PHACTR2: variants seen among roughly 807,000 people sequenced by gnomAD.
The protein encoded by PHACTR2 is phosphatase and actin regulator 2, also known as chromosome 6 open reading frame 56.
Under a neutral mutation model 76.0 loss-of-function variants are expected in PHACTR2, and 30 were observed. The observed-to-expected ratio is 0.39, with a 90% CI of 0.30 to 0.54. PHACTR2 has a LOEUF of 0.54. PHACTR2 is among the 20% of genes least tolerant of loss of function. The probability of loss-of-function intolerance (pLI) is 0.61; values close to 1 mark genes in which losing one functional copy is unlikely to be tolerated. For synonymous variants in PHACTR2, 292 were observed against 292.5 expected (o/e 1.00, Z 0.02); for missense variants, 696 against 781.1 (o/e 0.89, Z 1.30).
Position 143,654,868 on chromosome 6 carries a change from A to T in PHACTR2, c.13+46546A>T, listed in dbSNP as rs2128446967. 6.6e-6 allele frequency among the ~76,000 whole-genome samples: 1 copy of T among 152,218 alleles called. No homozygotes were observed. Among genetic ancestry groups the T allele is most frequent in the Middle Eastern group, 3.4e-3 (1 of 294 alleles). ...CACAACATGGACGACTCTTAAAAAC[A>T]TCATGCTAGCCGGGCACTGTGGCTC... is the stretch of plus-strand genomic sequence containing the variant. On this transcript the variant is annotated intron_variant, in intron 1 of 11. Transcript: ENST00000305766. The surrounding 1 kb of genome is among the most constrained non-coding windows in gnomAD (Gnocchi z 4.6).
intron 1 of PHACTR2, among the ~76,000 whole-genome samples, chr6:143,637,337 AAAAG>A (rs1486480184): frequency 1.3e-5 from 2 of 152,048 alleles, no homozygotes; most frequent in African/African-American, 4.8e-5. Flanking sequence ...AGAAAGGAAG[AAAAG>A]GAAGGAAGGA....
intron 9 of PHACTR2, among the ~76,000 whole-genome samples, chr6:143,778,979 A>G (rs1775351449): frequency 6.6e-6 from 1 of 152,072 alleles, no homozygotes; most frequent in African/African-American, 2.4e-5. Flanking sequence ...AGAGTGAGAC[A>G]CTTCAGATTT....
rs1779435611 is a variant in PHACTR2, at chr6:143,761,327, G to C, written c.694+687G>C. 6.6e-6 allele frequency among the ~76,000 whole-genome samples: 1 copy of C among 152,200 alleles called. No homozygotes were observed. The highest frequency in any genetic ancestry group is 2.4e-5 in the African/African-American group (1 of 41,448). On this transcript the variant is annotated intron_variant, in intron 5 of 12. Transcript: ENST00000440869. This position sits in a 1 kb window ranked among gnomAD's most constrained non-coding sequence, Gnocchi z 5.2. The stretch of plus-strand genomic sequence containing the variant: ...TTATAAATCACCAGTGGATGTTTGA[G>C]TGACCTGCAATAACTCATGCAATAT...
At position 143,639,249 on chromosome 6, in the gene PHACTR2, A is replaced by G. The variant is rs1776523088; in HGVS notation, c.13+30927A>G. 6.6e-6 allele frequency among the ~76,000 whole-genome samples: 1 copy of G among 152,246 alleles called. No homozygotes were observed. The highest frequency in any genetic ancestry group is 2.1e-4 in the South Asian group (1 of 4,838). On this transcript the variant is annotated intron_variant, in intron 1 of 11. Transcript: ENST00000305766. The surrounding 1 kb of genome is among the most constrained non-coding windows in gnomAD (Gnocchi z 5.0). Reference sequence around the variant, plus strand: ...CCTGAAGTACAGTCTGTCTTTCCAAAACAAATTAATGGTAAGATATACCTA... The same window carrying G: ...CCTGAAGTACAGTCTGTCTTTCCAAGACAAATTAATGGTAAGATATACCTA...
rs975962097 is a variant in PHACTR2 at position 143,549,053 on chromosome 6, C to T, written c.217+11846C>T. Among the ~76,000 whole-genome samples, 2 of 151,810 alleles carry T rather than the reference C, an allele frequency of 1.3e-5. No individual in the cohort carries two copies. The highest frequency in any genetic ancestry group is 2.4e-5 in the African/African-American group (1 of 41,354). ...TTGGCCATGAAGACAGGCATTCTCT[C>T]CCCCCGACCCAGATTGACATGGTGC... On this transcript the variant is annotated intron_variant, in intron 1 of 11. Transcript: ENST00000367584. This position sits in a 1 kb window ranked among gnomAD's most constrained non-coding sequence, Gnocchi z 4.2.
chr6:143,637,016 C>G (rs910735994), intron 1 of PHACTR2, among the ~76,000 whole-genome samples: 2 of 152,208 alleles, frequency 1.3e-5, no homozygotes, highest in African/African-American at 4.8e-5. Flanking sequence ...TGCTCTCAAT[C>G]CAGATTCTCA....
upstream of PHACTR2, among the ~76,000 whole-genome samples, chr6:143,677,443 C>T (rs1159121062): frequency 6.6e-6 from 1 of 152,114 alleles, no homozygotes; most frequent in Non-Finnish European, 1.5e-5. Flanking sequence ...GAGAGGTCAG[C>T]ACTCCAGAGT....
intron 1 of PHACTR2, among the ~76,000 whole-genome samples, chr6:143,643,671 A>G (rs1001423928): frequency 3.3e-5 from 5 of 152,224 alleles, no homozygotes; most frequent in Non-Finnish European, 7.3e-5. Context: ...CAGCTCATAA[A>G]TGTTCAGATC....
Position 143,807,032 on chromosome 6 carries a change from T to C in PHACTR2, c.1846-25T>C, listed in dbSNP as rs1041743834. 6 of 1,324,910 alleles carry C rather than the reference T, an allele frequency of 4.5e-6. No individual in the cohort carries two copies. In the African/African-American group the frequency reaches 5.8e-5, roughly 13 times the overall value. 82.1% of individuals were successfully genotyped at this position (1,324,910 alleles called of 1,614,324 possible). A position where few individuals can be genotyped will look rare whatever the true frequency, so the allele number is the denominator to read the frequency against. ...ATATATGACCTAAATAACAGTTCTG[T>C]TTATCTATTTTTTTTCCTGTTTAGG... On this transcript the variant is annotated intron_variant, in intron 11 of 12. Coordinates refer to ENST00000440869, the MANE Select transcript of PHACTR2 (RefSeq NM_001100164.2). This position sits in a 1 kb window ranked among gnomAD's most constrained non-coding sequence, Gnocchi z 5.5.
rs914192008 is a variant in PHACTR2 at position 143,767,947 on chromosome 6, C to T, written c.1232+2149C>T. 1.3e-5 allele frequency among the ~76,000 whole-genome samples: 2 copies of T among 152,300 alleles called. No homozygotes were observed. Among genetic ancestry groups the T allele is most frequent in the East Asian group, 1.9e-4 (1 of 5,184 alleles). ...CTGCCTCCCAGGTTCAAGCAATTCT[C>T]CTGCCTCAGCCTCCCCAGTAACTGG... On this transcript the variant is annotated intron_variant, in intron 6 of 12. Coordinates refer to ENST00000440869, the MANE Select transcript of PHACTR2 (RefSeq NM_001100164.2). The surrounding 1 kb of genome is among the most constrained non-coding windows in gnomAD (Gnocchi z 4.4).
rs1775463804 is a variant in PHACTR2, at chr6:143,782,921, T to G, written c.1646-298T>G. 6.6e-6 allele frequency among the ~76,000 whole-genome samples: 1 copy of G among 152,102 alleles called. No individual in the cohort carries two copies. The highest frequency in any genetic ancestry group is 1.5e-5 in the Non-Finnish European group (1 of 68,022). Reference sequence around the variant, plus strand: ...GCTTTCATTAGAATATGGGCACTCCTGTGGTTTTTTTAAGAATACAACAAG... The same window carrying G: ...GCTTTCATTAGAATATGGGCACTCCGGTGGTTTTTTTAAGAATACAACAAG... On this transcript the variant is annotated intron_variant, in intron 9 of 12. Transcript: ENST00000440869. This position sits in a 1 kb window ranked among gnomAD's most constrained non-coding sequence, Gnocchi z 4.6.
intron 2 of PHACTR2, among the ~76,000 whole-genome samples, chr6:143,726,116 G>A (rs1227300610): frequency 6.6e-6 from 1 of 152,188 alleles, no homozygotes; most frequent in Non-Finnish European, 1.5e-5. Flanking sequence ...TAGGGAAAAT[G>A]TGTAGGAATG....
At chr6:143,726,750 A>T (rs959386765) in intron 2 of PHACTR2, among the ~76,000 whole-genome samples, 1 of 152,176 alleles carries the variant, frequency 6.6e-6, no homozygotes, top group African/African-American at 2.4e-5. Flanking sequence ...CCATTCTAGT[A>T]GGTATGTAGT....
intron 1 of PHACTR2, among the ~76,000 whole-genome samples, chr6:143,572,929 A>G (rs1216113573): frequency 6.6e-6 from 1 of 152,238 alleles, no homozygotes; most frequent in Non-Finnish European, 1.5e-5. Context: ...TAAAAGCATA[A>G]TGTCTTTTAT....
At position 143,749,084 on chromosome 6, in the gene PHACTR2, C is replaced by T; in HGVS notation, c.295+19C>T. The stretch of plus-strand genomic sequence containing the variant: ...GATCAAGGTGAGGAAATTAATCATA[C>T]ATTTTAAATATTTTGGTCCTTCATT... On this transcript the variant is annotated intron_variant, in intron 3 of 12. Transcript: ENST00000440869. 7.6e-7 allele frequency: 1 copy of T among 1,312,080 alleles called. No individual in the cohort carries two copies. The highest frequency in any genetic ancestry group is 1.1e-6 in the Non-Finnish European group (1 of 911,560). The allele number at this position is 1,312,080 out of a possible 1,614,324, so 81.3% of individuals were successfully genotyped here.
At position 143,800,824 on chromosome 6, in the gene PHACTR2, T is replaced by G. The variant is rs1255870509; in HGVS notation, c.1846-6233T>G. ...TTTACAATTTGGCATGTTTTTGCAG[T>G]GGCTGGGACTGGTTGTTCCTTTCCA... On this transcript the variant is annotated intron_variant, in intron 11 of 12. Transcript: ENST00000440869. The surrounding 1 kb of genome is among the most constrained non-coding windows in gnomAD (Gnocchi z 4.8). 3.3e-5 allele frequency among the ~76,000 whole-genome samples: 5 copies of G among 152,224 alleles called. No homozygotes were observed. Among genetic ancestry groups the G allele is most frequent in the African/African-American group, 1.2e-4 (5 of 41,458 alleles).
At chr6:143,567,352 T>C (rs560304866) in intron 1 of PHACTR2, among the ~76,000 whole-genome samples, 1 of 152,286 alleles carries the variant, frequency 6.6e-6, no homozygotes, top group South Asian at 2.1e-4. Flanking sequence ...ATACAGGCTT[T>C]GGTCTTTGAT....
At position 143,664,759 on chromosome 6, in the gene PHACTR2, C is replaced by T. The variant is rs538926276; in HGVS notation, c.14-47257C>T. 5.3e-5 allele frequency among the ~76,000 whole-genome samples: 8 copies of T among 152,112 alleles called. No homozygotes were observed. Among genetic ancestry groups the T allele is most frequent in the African/African-American group, 1.9e-4 (8 of 41,528 alleles). ...TCACTGTTGTTTCATGCATACCACC[C>T]TTACCTCTAGGTTCATTTTCTTTCT... On this transcript the variant is annotated intron_variant, in intron 1 of 11. Transcript: ENST00000305766. This position sits in a 1 kb window ranked among gnomAD's most constrained non-coding sequence, Gnocchi z 5.1.
At chr6:143,702,096 T>C (rs1777927380) in intron 1 of PHACTR2, among the ~76,000 whole-genome samples, 1 of 151,732 alleles carries the variant, frequency 6.6e-6, no homozygotes, top group Admixed American at 6.6e-5. Context: ...ACAGATTTAT[T>C]GCTTGTCCTG....
Sources: gnomAD v4.1 joint callset for allele counts (sites outside exome capture counted in the v4.1 genomes callset) on GRCh38, gnomAD v4.1.1 for gene constraint, Gnocchi (gnomAD v3.1) non-coding constraint, MANE v1.5 for transcripts, NCBI Gene and HGNC (gene_info 2026-07-23, HGNC 2026-07-21) for gene names.